The following HTR2C variants were observed in gnomAD, a reference collection of about 807,000 sequenced individuals.
HTR2C encodes 5-hydroxytryptamine (serotonin) receptor 2C, G protein-coupled.
In HTR2C, 5 loss-of-function variants were observed where a neutral mutation model predicts 21.0. That is an observed-to-expected ratio of 0.24 (90% CI 0.12 to 0.50). HTR2C has a LOEUF of 0.50. Among genes scored for constraint, HTR2C ranks in the 20% least tolerant of loss-of-function variants. The probability of loss-of-function intolerance (pLI) is 0.98; values close to 1 mark genes in which losing one functional copy is unlikely to be tolerated. For missense variants in HTR2C, 271 were observed against 371.2 expected (o/e 0.73, Z 2.22); for synonymous variants, 150 against 145.3 (o/e 1.03, Z -0.23).
At chrX:114,881,623 A>T (rs994817400) in intron 5 of HTR2C, among the ~76,000 whole-genome samples, 11 of 109,938 alleles carry the variant, frequency 1.0e-4, no homozygotes, top group African/African-American at 3.6e-4. Flanking sequence ...AATTGTCTTG[A>T]CACTCTGTTG....
chrX:114,785,928 C>A (rs1241909126), intron 4 of HTR2C, among the ~76,000 whole-genome samples: 1 of 111,991 alleles, frequency 8.9e-6, no homozygotes, highest in East Asian at 2.8e-4. Context: ...ATTTGTAATA[C>A]AAGTACCCAG....
At chrX:114,649,325 C>T (rs1046044396) in intron 2 of HTR2C, among the ~76,000 whole-genome samples, 2 of 112,053 alleles carry the variant, frequency 1.8e-5, no homozygotes, top group East Asian at 2.8e-4. Flanking sequence ...TTAATACAAA[C>T]AGTAGTTTTT....
At chrX:114,854,422 C>CT (rs2070942768) in intron 5 of HTR2C, among the ~76,000 whole-genome samples, 1 of 110,401 alleles carries the variant, frequency 9.1e-6, no homozygotes, top group South Asian at 3.7e-4. Context: ...CTTTTTTTGA[C>CT]TTTTATAAAT....
intron 4 of HTR2C, among the ~76,000 whole-genome samples, chrX:114,756,330 G>A (rs1363066424): frequency 1.8e-5 from 2 of 111,504 alleles, no homozygotes; most frequent in East Asian, 5.6e-4. Context: ...ATGCAATCCA[G>A]CAGTTGCACT....
chrX:114,673,677 G>T (rs948004956), intron 2 of HTR2C, among the ~76,000 whole-genome samples: 6 of 111,546 alleles, frequency 5.4e-5, no homozygotes, highest in African/African-American at 2.0e-4. Context: ...TTTCAGGTAT[G>T]TGAAAATATG....
chrX:114,773,691 A>G (rs2070027830), intron 4 of HTR2C, among the ~76,000 whole-genome samples: 1 of 112,398 alleles, frequency 8.9e-6, no homozygotes, highest in Admixed American at 9.4e-5. Flanking sequence ...TAGTCAGCAA[A>G]TAAAACAACT....
chrX:114,855,942 G>A lies in HTR2C; in HGVS notation c.550+7739G>A, dbSNP rs373538722. Among the ~76,000 whole-genome samples, 604 of 108,054 alleles carry A rather than the reference G, an allele frequency of 5.6e-3. 8 individuals carry two copies. Among genetic ancestry groups the A allele is most frequent in the African/African-American group, 0.019 (579 of 29,757 alleles). 93.8% of individuals were successfully genotyped at this position (108,054 alleles called of 115,157 possible). On this transcript the variant is annotated intron_variant, in intron 5 of 5. Transcript: ENST00000276198. ...AAGGATGAAGGTAAATTACAGTCCT[G>A]TAGGCAGTCCTGTTAGAGTGACTGT...
At chrX:114,615,113 T>C (rs1358938490) in intron 2 of HTR2C, among the ~76,000 whole-genome samples, 2 of 111,341 alleles carry the variant, frequency 1.8e-5, no homozygotes, top group Admixed American at 1.9e-4. Flanking sequence ...CGAAAGAGGA[T>C]AGGGATGGAA....
chrX:114,773,292 T>C (rs1556437623), intron 4 of HTR2C, among the ~76,000 whole-genome samples: 1 of 111,387 alleles, frequency 9.0e-6, no homozygotes, highest in Admixed American at 9.6e-5. Flanking sequence ...CACTCAAATC[T>C]CAAAATAAAG....
chrX:114,692,151 A>G (rs1220333526), intron 2 of HTR2C, among the ~76,000 whole-genome samples: 2 of 111,752 alleles, frequency 1.8e-5, no homozygotes, highest in Non-Finnish European at 3.8e-5. Flanking sequence ...GTGATGTTTC[A>G]GGTTATATGT....
intron 5 of HTR2C, among the ~76,000 whole-genome samples, chrX:114,882,321 A>G (rs2071187646): frequency 9.1e-6 from 1 of 110,391 alleles, no homozygotes; most frequent in African/African-American, 3.3e-5. Context: ...TTCCTTTCCA[A>G]TCTAGATGCA....
chrX:114,613,854 C>T lies in HTR2C; in HGVS notation c.-107C>T, dbSNP rs1928844854. On this transcript the variant is annotated 5_prime_UTR_variant, in exon 2 of 6. Transcript: ENST00000276198. ...ACCCGCGAGCATCTATAACATAGGC[C>T]AACTGACGCCATCCTTCAAAAACAA... 1.8e-5 allele frequency: 2 copies of T among 111,056 alleles called. No individual in the cohort carries two copies. The highest frequency in any genetic ancestry group is 6.6e-5 in the African/African-American group (2 of 30,377). The allele number at this position is 111,056 out of a possible 1,213,427, so 9.2% of individuals were successfully genotyped here. A position where few individuals can be genotyped will look rare whatever the true frequency, so the allele number is the denominator to read the frequency against.
intron 1 of HTR2C, among the ~76,000 whole-genome samples, chrX:114,593,384 C>T (rs1556391657): frequency 9.0e-6 from 1 of 111,471 alleles, no homozygotes; most frequent in Non-Finnish European, 1.9e-5. Flanking sequence ...GTGCATGCCA[C>T]TGCACCTGGC....
chrX:114,804,440 A>G (rs1476278996), intron 4 of HTR2C, among the ~76,000 whole-genome samples: 4 of 112,270 alleles, frequency 3.6e-5, no homozygotes, highest in Non-Finnish European at 7.5e-5. Flanking sequence ...GCATATGATT[A>G]CTTTGTTTCT....
chrX:114,673,112 A>G (rs1424578696), intron 2 of HTR2C, among the ~76,000 whole-genome samples: 1 of 112,153 alleles, frequency 8.9e-6, no homozygotes, highest in African/African-American at 3.2e-5. Context: ...AAGCTATATG[A>G]TAACTCTTAA....
chrX:114,739,808 T>C (rs1384327629), intron 4 of HTR2C, among the ~76,000 whole-genome samples: 1 of 111,741 alleles, frequency 8.9e-6, no homozygotes, highest in African/African-American at 3.2e-5. Flanking sequence ...TTTGGATTTT[T>C]TAAATATATT....
chrX:114,880,867 A>G (rs1556479707), intron 5 of HTR2C, among the ~76,000 whole-genome samples: 1 of 111,321 alleles, frequency 9.0e-6, no homozygotes. Context: ...TATCACAAAT[A>G]ATGCTGCTAT....
intron 4 of HTR2C, among the ~76,000 whole-genome samples, chrX:114,834,270 C>G (rs1486953543): frequency 1.8e-5 from 2 of 108,681 alleles, no homozygotes; most frequent in Non-Finnish European, 3.8e-5. Context: ...GACTTTCTGT[C>G]TCGTTGATCT....
At chrX:114,658,059 A>AT (rs35624315) in intron 2 of HTR2C, among the ~76,000 whole-genome samples, 6 of 108,499 alleles carry the variant, frequency 5.5e-5, no homozygotes, top group South Asian at 3.9e-4. Flanking sequence ...GAGTAAAACA[A>AT]TTTTTTTTTG....
Sources: gnomAD v4.1 joint callset for allele counts (sites outside exome capture counted in the v4.1 genomes callset) on GRCh38, gnomAD v4.1.1 for gene constraint, MANE v1.5 for transcripts, NCBI Gene and HGNC (gene_info 2026-07-23, HGNC 2026-07-21) for gene names.